The following CRTAC1 variants were observed in gnomAD, a reference collection of about 807,000 sequenced individuals.
CRTAC1 encodes the protein acidic secreted protein in cartilage.
A neutral mutation model predicts 67.8 loss-of-function variants in CRTAC1; 37 were observed. That is an observed-to-expected ratio of 0.55 (90% CI 0.42 to 0.72). CRTAC1 has a LOEUF of 0.72. CRTAC1 is among the 30% of genes least tolerant of loss of function. The pLI is 0.00. For missense variants in CRTAC1, 780 were observed against 931.6 expected (o/e 0.84, Z 2.12); for synonymous variants, 348 against 371.0 (o/e 0.94, Z 0.71).
intron 2 of CRTAC1, among the ~76,000 whole-genome samples, chr10:97,955,057 A>G (rs963148317): frequency 6.6e-6 from 1 of 152,226 alleles, no homozygotes; most frequent in African/African-American, 2.4e-5. Flanking sequence ...TAGGATAATA[A>G]TAATAATAGC....
chr10:97,915,674 T>G (rs1053222222), intron 5 of CRTAC1, among the ~76,000 whole-genome samples: 3 of 149,304 alleles, frequency 2.0e-5, no homozygotes, highest in Non-Finnish European at 4.5e-5. Context: ...CGTCCATGTG[T>G]CATTAGCTGA....
At chr10:97,896,689 T>C (rs565207847) in intron 9 of CRTAC1, among the ~76,000 whole-genome samples, 14 of 152,204 alleles carry the variant, frequency 9.2e-5, no homozygotes, top group Middle Eastern at 3.4e-3. Flanking sequence ...CAGCCTGGGA[T>C]TGGGGGAGTG....
intron 3 of CRTAC1, 72 bp downstream of exon 3, chr10:97,936,097 CA>C (rs2051081983): frequency 6.9e-7 from 1 of 1,449,748 alleles, no homozygotes; most frequent in Non-Finnish European, 9.4e-7. Context: ...CCAGGGTTCC[CA>C]TGGCCCTCCC....
intron 8 of CRTAC1, among the ~76,000 whole-genome samples, chr10:97,898,332 T>C: frequency 6.6e-6 from 1 of 151,810 alleles, no homozygotes. Context: ...GAGTCCAGAG[T>C]TGGGGAAGCT....
At chr10:97,971,706 A>G (rs2051715716) in intron 2 of CRTAC1, among the ~76,000 whole-genome samples, 1 of 152,246 alleles carries the variant, frequency 6.6e-6, no homozygotes, top group Non-Finnish European at 1.5e-5. Flanking sequence ...TAAAGCTACA[A>G]GATTGAACAC....
In CRTAC1 at chr10:97,895,242, C is replaced by A. The variant is rs923381922; in HGVS notation, c.1486+3G>T. The A allele has an allele frequency of 1.5e-5, 24 of 1,609,564 alleles. No homozygotes were observed. The African/African-American group carries it at 3.2e-4, about 21-fold the overall frequency. Reference sequence around the variant, plus strand: ...CACTGTCCCCCACCGGACCCCGACTCACCCAGGCCAAAGTGTGCCACGGGC... The same window carrying A: ...CACTGTCCCCCACCGGACCCCGACTAACCCAGGCCAAAGTGTGCCACGGGC... On this transcript the variant is annotated splice_donor_region_variant and intron_variant, in intron 11 of 14. Coordinates refer to ENST00000370597, the MANE Select transcript of CRTAC1 (RefSeq NM_018058.7). The surrounding 1 kb of genome is among the most constrained non-coding windows in gnomAD (Gnocchi z 4.2).
intron 2 of CRTAC1, among the ~76,000 whole-genome samples, chr10:97,998,047 T>C (rs1456247486): frequency 2.0e-5 from 3 of 152,158 alleles, no homozygotes; most frequent in Non-Finnish European, 4.4e-5. Context: ...CTCGGCTCAA[T>C]GCCACCTTGA....
At position 97,892,335 on chromosome 10, in the gene CRTAC1, G is replaced by A. The variant is rs77376859; in HGVS notation, c.1486+2910C>T. On this transcript the variant is annotated intron_variant, in intron 11 of 14. Coordinates refer to ENST00000370597, the MANE Select transcript of CRTAC1 (RefSeq NM_018058.7). ...CATTCTGCCCTTGCCATTGATTTGC[G>A]AGGTGAGCCTCAATGTCCTTATTGG... Among the ~76,000 whole-genome samples the A allele has an allele frequency of 5.7e-3, 861 of 152,322 alleles. 3 individuals carry two copies. Among genetic ancestry groups the A allele is most frequent in the African/African-American group, 9.6e-3 (401 of 41,580 alleles).
intron 2 of CRTAC1, among the ~76,000 whole-genome samples, chr10:97,936,591 G>A (rs2051093711): frequency 1.3e-5 from 2 of 152,254 alleles, no homozygotes; most frequent in South Asian, 2.1e-4. Context: ...GTCAGCAGGG[G>A]CCATGTGGGA....
chr10:97,999,077 G>A (rs1005550619), intron 2 of CRTAC1, among the ~76,000 whole-genome samples: 1 of 152,238 alleles, frequency 6.6e-6, no homozygotes, highest in Admixed American at 6.5e-5. Context: ...GCTGGCTGCA[G>A]CAGGGAGGTG....
chr10:97,909,706 T>C (rs1168909908), intron 5 of CRTAC1, among the ~76,000 whole-genome samples: 2 of 152,168 alleles, frequency 1.3e-5, no homozygotes, highest in African/African-American at 2.4e-5. Context: ...ACTAGGTATA[T>C]ATATCCAAAG....
chr10:97,959,745 G>A (rs939910561), intron 2 of CRTAC1, among the ~76,000 whole-genome samples: 2 of 152,194 alleles, frequency 1.3e-5, no homozygotes, highest in African/African-American at 4.8e-5. Flanking sequence ...TCCTCTGTAT[G>A]TAAGCCCCTA....
rs2051091949 is a variant in CRTAC1 at position 97,936,510 on chromosome 10, C to T, written c.225-144G>A. 35 of 606,660 alleles carry T rather than the reference C, an allele frequency of 5.8e-5. No homozygotes were observed. In the South Asian group the frequency reaches 8.3e-4, roughly 14 times the overall value. The allele number at this position is 606,660 out of a possible 1,614,324, so 37.6% of individuals were successfully genotyped here. On this transcript the variant is annotated intron_variant, in intron 2 of 14. Transcript: ENST00000370597. ...GAGTGTTCCCAGGGAACACGGCCAG[C>T]CTTGCCTCATGGAACCCTGAGTGTT... is the stretch of plus-strand genomic sequence containing the variant.
chr10:97,946,502 T>A (rs1363937143), intron 2 of CRTAC1, among the ~76,000 whole-genome samples: 1 of 152,136 alleles, frequency 6.6e-6, no homozygotes, highest in Non-Finnish European at 1.5e-5. Context: ...AGAAAAGAGC[T>A]CTGATTGGCT....
intron 11 of CRTAC1, among the ~76,000 whole-genome samples, chr10:97,894,078 A>G (rs531219432): frequency 6.6e-6 from 1 of 152,334 alleles, no homozygotes; most frequent in Non-Finnish European, 1.5e-5. Context: ...TTGTGTGGAT[A>G]TAAGTTTTCA....
At chr10:97,938,215 G>C (rs901506456) in intron 2 of CRTAC1, among the ~76,000 whole-genome samples, 24 of 152,168 alleles carry the variant, frequency 1.6e-4, no homozygotes, top group African/African-American at 5.6e-4. Context: ...CTATGGAGAC[G>C]TGTCTAGGCA....
At chr10:97,884,456 A>G (rs2050254732) in intron 11 of CRTAC1, 105 bp from the exon 12 acceptor site, 1 of 1,093,298 alleles carries the variant, frequency 9.1e-7, no homozygotes, top group East Asian at 2.6e-5. Flanking sequence ...GCATGAATTG[A>G]GCACTGTTCT....
At chr10:97,923,815 C>T (rs541270097) in intron 3 of CRTAC1, among the ~76,000 whole-genome samples, 1 of 152,318 alleles carries the variant, frequency 6.6e-6, no homozygotes, top group Non-Finnish European at 1.5e-5. Flanking sequence ...ACATTCTCTA[C>T]TGGATCGCAG....
intron 2 of CRTAC1, among the ~76,000 whole-genome samples, chr10:97,988,022 T>C (rs920828562): frequency 1.3e-5 from 2 of 152,288 alleles, no homozygotes; most frequent in African/African-American, 4.8e-5. Flanking sequence ...GCAGTTTTGG[T>C]GCCAGACTTA....
Sources: allele counts gnomAD v4.1 joint callset (sites outside exome capture counted in the v4.1 genomes callset), GRCh38; gene constraint gnomAD v4.1.1; non-coding constraint Gnocchi (gnomAD v3.1); transcripts MANE v1.5; gene names NCBI Gene and HGNC (gene_info 2026-07-23, HGNC 2026-07-21).